The following CDKAL1 variants were observed in gnomAD, a reference collection of about 807,000 sequenced individuals.
CDKAL1 encodes threonylcarbamoyladenosine tRNA methylthiotransferase.
In CDKAL1, 32 loss-of-function variants were observed where a neutral mutation model predicts 68.2. The ratio of observed to expected loss-of-function variants is 0.47; its 90% CI spans 0.35 to 0.63. The LOEUF (loss-of-function observed/expected upper bound fraction) is 0.63. Ranked by LOEUF, CDKAL1 falls within the 30% of genes least tolerant of loss-of-function variation. The pLI is 0.00. For missense variants in CDKAL1, 606 were observed against 696.7 expected, an observed-to-expected ratio of 0.87 and a Z score of 1.47; for synonymous variants, 234 against 244.3, an observed-to-expected ratio of 0.96 and a Z score of 0.39.
intron 5 of CDKAL1, among the ~76,000 whole-genome samples, chr6:20,712,652 CT>C (rs139521546): frequency 6.0e-5 from 9 of 149,706 alleles, no homozygotes; most frequent in East Asian, 3.9e-4. Flanking sequence ...AGTTATATAA[CT>C]TTTTTTTTTG....
At chr6:21,070,703 C>T (rs1771725278) in intron 12 of CDKAL1, among the ~76,000 whole-genome samples, 1 of 152,140 alleles carries the variant, frequency 6.6e-6, no homozygotes, top group Admixed American at 6.5e-5. Flanking sequence ...TAGATATTTT[C>T]TTTTGTTCCC....
chr6:20,659,868 T>TA (rs1335112417), intron 5 of CDKAL1, among the ~76,000 whole-genome samples: 6 of 152,212 alleles, frequency 3.9e-5, no homozygotes, highest in Non-Finnish European at 7.4e-5. Flanking sequence ...CAAGGGTTTT[T>TA]AAAAAAAATT....
intron 9 of CDKAL1, among the ~76,000 whole-genome samples, chr6:20,949,460 ATATT>A (rs1025154914): frequency 2.0e-4 from 30 of 152,150 alleles, no homozygotes; most frequent in African/African-American, 6.5e-4. Context: ...GTATGTGTGT[ATATT>A]TATGTGTCTG....
In CDKAL1 at chr6:21,006,090, A is replaced by G. The variant is rs770140453; in HGVS notation, c.1055+5718A>G. 2.6e-4 allele frequency among the ~76,000 whole-genome samples: 40 copies of G among 152,278 alleles called. 2 individuals carry two copies. The Middle Eastern group carries it at 0.034, about 129-fold the overall frequency. On this transcript the variant is annotated intron_variant, in intron 11 of 15. Transcript: ENST00000274695. ...ATCCTATGACCTACTTTTCCAGTCT[A>G]TCTGCAAAAAGGATGCTAAATTATT...
intron 10 of CDKAL1, among the ~76,000 whole-genome samples, chr6:20,998,801 G>A (rs576316920): frequency 2.0e-5 from 3 of 152,162 alleles, no homozygotes; most frequent in Non-Finnish European, 2.9e-5. Context: ...TAGAGAAAGT[G>A]TGGATAAAGG....
intron 13 of CDKAL1, among the ~76,000 whole-genome samples, chr6:21,193,784 C>T (rs138306297): frequency 1.3e-5 from 2 of 152,300 alleles, no homozygotes; most frequent in East Asian, 3.9e-4. Flanking sequence ...TTACAATTCT[C>T]TTGACGCCAC....
intron 8 of CDKAL1, among the ~76,000 whole-genome samples, chr6:20,840,455 T>G (rs1255060630): frequency 1.3e-5 from 2 of 152,194 alleles, no homozygotes; most frequent in Non-Finnish European, 2.9e-5. Flanking sequence ...CAAATACAGC[T>G]GCAATTGTGT....
intron 4 of CDKAL1, among the ~76,000 whole-genome samples, chr6:20,610,921 T>C (rs1243366211): frequency 6.6e-6 from 1 of 152,210 alleles, no homozygotes; most frequent in Non-Finnish European, 1.5e-5. Flanking sequence ...GTGATCCTCC[T>C]GTCTTAGCCT....
At chr6:20,641,133 A>C (rs995634801) in intron 4 of CDKAL1, among the ~76,000 whole-genome samples, 1 of 152,300 alleles carries the variant, frequency 6.6e-6, no homozygotes, top group East Asian at 1.9e-4. Flanking sequence ...TTAGCAGGCA[A>C]GGGAAAAGTC....
In CDKAL1 at chr6:21,157,255, C is replaced by T. The variant is rs116415566; in HGVS notation, c.1300-40766C>T. Among the ~76,000 whole-genome samples the T allele has an allele frequency of 3.7e-3, 563 of 152,258 alleles. 1 individual carries two copies. Among genetic ancestry groups the T allele is most frequent in the African/African-American group, 0.013 (531 of 41,538 alleles). ...ATACATTTATGTAAAGTCACCAACT[C>T]AGTTCCTTTCACGATAATGGGCAGC... On this transcript the variant is annotated intron_variant, in intron 13 of 15. Coordinates refer to ENST00000274695, the MANE Select transcript of CDKAL1 (RefSeq NM_017774.3).
chr6:20,927,438 A>G (rs1025650976), intron 9 of CDKAL1, among the ~76,000 whole-genome samples: 2 of 152,240 alleles, frequency 1.3e-5, no homozygotes, highest in Non-Finnish European at 2.9e-5. Context: ...TAGCAAGAGC[A>G]GTGAAGAACG....
intron 9 of CDKAL1, among the ~76,000 whole-genome samples, chr6:20,846,565 A>G (rs531778655): frequency 2.0e-5 from 3 of 152,326 alleles, no homozygotes; most frequent in African/African-American, 7.2e-5. Flanking sequence ...TGGACCATTT[A>G]GAAAATAGAG....
chr6:20,865,549 G>C (rs970250641), intron 9 of CDKAL1, among the ~76,000 whole-genome samples: 5 of 151,800 alleles, frequency 3.3e-5, no homozygotes, highest in African/African-American at 1.2e-4. Flanking sequence ...TTTAATATTT[G>C]TATTAGTAAA....
chr6:20,885,944 C>G (rs542816258), intron 9 of CDKAL1, among the ~76,000 whole-genome samples: 35 of 151,700 alleles, frequency 2.3e-4, no homozygotes, highest in Non-Finnish European at 4.0e-4. Context: ...CAAAAATTAC[C>G]CAGAAATCGC....
intron 9 of CDKAL1, among the ~76,000 whole-genome samples, chr6:20,947,403 C>T (rs1245119596): frequency 1.3e-5 from 2 of 152,038 alleles, no homozygotes; most frequent in African/African-American, 4.8e-5. Context: ...CCAGCCTGGG[C>T]AACATGGTGA....
intron 9 of CDKAL1, among the ~76,000 whole-genome samples, chr6:20,886,096 A>G (rs1047594696): frequency 1.3e-5 from 2 of 152,214 alleles, no homozygotes; most frequent in Non-Finnish European, 2.9e-5. Context: ...GAAAATGGAC[A>G]AAAGATTTGA....
At chr6:20,708,393 G>T (rs1378542155) in intron 5 of CDKAL1, among the ~76,000 whole-genome samples, 4 of 152,150 alleles carry the variant, frequency 2.6e-5, no homozygotes, top group Non-Finnish European at 5.9e-5. Context: ...AAGGGTGCAG[G>T]AATTTCTATC....
intron 9 of CDKAL1, among the ~76,000 whole-genome samples, chr6:20,891,942 CTACTT>C (rs1356799635): frequency 6.6e-6 from 1 of 151,884 alleles, no homozygotes; most frequent in Non-Finnish European, 1.5e-5. Context: ...TTTCTCAACT[CTACTT>C]TCAATTACTG....
At chr6:21,052,540 T>TG (rs1193110993) in intron 11 of CDKAL1, among the ~76,000 whole-genome samples, 4 of 150,924 alleles carry the variant, frequency 2.7e-5, no homozygotes, top group South Asian at 2.1e-4. Flanking sequence ...ATTGGTTGTT[T>TG]TTTTTTTTTT....
Sources: allele counts gnomAD v4.1 joint callset (sites outside exome capture counted in the v4.1 genomes callset), GRCh38; gene constraint gnomAD v4.1.1; transcripts MANE v1.5; gene names NCBI Gene and HGNC (gene_info 2026-07-23, HGNC 2026-07-21).